Variants in DNAAF5 observed in about 807,000 individuals in gnomAD.
DNAAF5 encodes dynein axonemal assembly factor 5.
Under a neutral mutation model 75.8 loss-of-function variants are expected in DNAAF5, and 64 were observed. That is an observed-to-expected ratio of 0.84 (90% CI 0.69 to 1.04). DNAAF5 has a LOEUF of 1.04. Among genes scored for constraint, DNAAF5 ranks in the 50% least tolerant of loss-of-function variants. The pLI is 0.00. For synonymous variants in DNAAF5, 657 were observed against 557.2 expected, an observed-to-expected ratio of 1.18 and a Z score of -2.52; for missense variants, 1,269 against 1,178.5, an observed-to-expected ratio of 1.08 and a Z score of -1.12.
chr7:781,714 T>TGTTTCTATGTGC (rs376804497), intron 12 of DNAAF5, among the ~76,000 whole-genome samples: 239 of 152,332 alleles, frequency 1.6e-3, no homozygotes, highest in African/African-American at 5.2e-3. Context: ...ATGTCTCACT[T>TGTTTCTATGTGC]GTTTCTATGT....
chr7:740,323 C>T (rs1425095556), intron 2 of DNAAF5, among the ~76,000 whole-genome samples: 1 of 152,242 alleles, frequency 6.6e-6, no homozygotes, highest in Non-Finnish European at 1.5e-5. Context: ...GGGGACCCTA[C>T]TGGTTTCCTC....
intron 8 of DNAAF5, among the ~76,000 whole-genome samples, chr7:767,911 G>C (rs530666480): frequency 6.6e-6 from 1 of 151,014 alleles, no homozygotes; most frequent in South Asian, 2.1e-4. Context: ...CTGCAAGCAG[G>C]AGCGCTAGTG....
chr7:778,828 G>T (rs1778847266), intron 11 of DNAAF5: 1 of 153,754 alleles, frequency 6.5e-6, no homozygotes, highest in Non-Finnish European at 1.4e-5. Flanking sequence ...TACCCCCCAT[G>T]CAGCAAAAGC....
At position 740,802 on chromosome 7, in the gene DNAAF5, C is replaced by G; in HGVS notation, c.781-17C>G. 1.9e-6 allele frequency: 3 copies of G among 1,613,002 alleles called. No homozygotes were observed. The highest frequency in any genetic ancestry group is 2.5e-6 in the Non-Finnish European group (3 of 1,179,974). ...CCTTTGCCTACACGAATCCTTATCC[C>G]TTCCTCTCATGCGCAGGTCCGGCGG... On this transcript the variant is annotated splice_polypyrimidine_tract_variant and intron_variant, in intron 2 of 12. Transcript: ENST00000297440.
At chr7:762,091 T>C (rs1314426328) in intron 7 of DNAAF5, among the ~76,000 whole-genome samples, 195 bp downstream of exon 7, 1 of 152,232 alleles carries the variant, frequency 6.6e-6, no homozygotes, top group Non-Finnish European at 1.5e-5. Flanking sequence ...TATTCTGGCA[T>C]CAGGGAGTGG....
At chr7:750,239 G>A (rs148153559) in intron 4 of DNAAF5, among the ~76,000 whole-genome samples, 25 of 152,330 alleles carry the variant, frequency 1.6e-4, no homozygotes, top group African/African-American at 5.8e-4. Context: ...GAGCCTCACA[G>A]GCTATATCGC....
chr7:760,127 G>C (rs1237676793), intron 6 of DNAAF5, among the ~76,000 whole-genome samples: 1 of 151,904 alleles, frequency 6.6e-6, no homozygotes, highest in Non-Finnish European at 1.5e-5. Flanking sequence ...CCAGCTCCGA[G>C]GGAGATGGAG....
At chr7:750,586 T>G (rs1357655636) in intron 4 of DNAAF5, among the ~76,000 whole-genome samples, 2 of 152,188 alleles carry the variant, frequency 1.3e-5, no homozygotes, top group African/African-American at 4.8e-5. Context: ...GGGTTTGCCC[T>G]CCCCTGAGAA....
chr7:742,602 C>G (rs62432216), intron 4 of DNAAF5, among the ~76,000 whole-genome samples: 1 of 8,698 alleles, frequency 1.1e-4, no homozygotes, highest in African/African-American at 2.7e-4. Context: ...CAGCCCAAAT[C>G]AGACGCCCAG....
chr7:781,165 C>T (rs1391600279), intron 12 of DNAAF5, among the ~76,000 whole-genome samples: 1 of 152,188 alleles, frequency 6.6e-6, no homozygotes, highest in Non-Finnish European at 1.5e-5. Flanking sequence ...CCATCCCCAC[C>T]TCTTCCCCCG....
At chr7:781,132 C>T (rs1265170697) in intron 12 of DNAAF5, among the ~76,000 whole-genome samples, 1 of 152,188 alleles carries the variant, frequency 6.6e-6, no homozygotes, top group Non-Finnish European at 1.5e-5. Flanking sequence ...AAATCTTACT[C>T]ATTCTGTTTT....
chr7:772,080 G>C (rs1778583432), intron 9 of DNAAF5: 1 of 152,372 alleles, frequency 6.6e-6, no homozygotes, highest in Admixed American at 6.5e-5. Flanking sequence ...CCTTCCTGCT[G>C]ACCGCAGCTG....
chr7:769,433 C>G (rs557493728), intron 8 of DNAAF5, among the ~76,000 whole-genome samples: 1 of 152,234 alleles, frequency 6.6e-6, no homozygotes, highest in African/African-American at 2.4e-5. Context: ...AGTGGGGACC[C>G]CTTGGGGCGT....
intron 2 of DNAAF5, among the ~76,000 whole-genome samples, chr7:738,202 G>A (rs1050431626): frequency 3.9e-5 from 6 of 152,122 alleles, no homozygotes; most frequent in Non-Finnish European, 8.8e-5. Context: ...GCTGTTGAGA[G>A]GCTCCAATGC....
chr7:773,357 C>T (rs1262148551), intron 9 of DNAAF5, among the ~76,000 whole-genome samples: 2 of 152,210 alleles, frequency 1.3e-5, no homozygotes, highest in African/African-American at 4.8e-5. Flanking sequence ...GGCTGTGGAG[C>T]TGGTCTTGGA....
At chr7:766,397 AT>A (rs1782823156) in intron 8 of DNAAF5, among the ~76,000 whole-genome samples, 1 of 152,242 alleles carries the variant, frequency 6.6e-6, no homozygotes, top group Non-Finnish European at 1.5e-5. Context: ...TAAATTTCTC[AT>A]TTACAAAAGT....
At chr7:749,956 C>T (rs552521859) in intron 4 of DNAAF5, among the ~76,000 whole-genome samples, 1 of 152,178 alleles carries the variant, frequency 6.6e-6, no homozygotes, top group Non-Finnish European at 1.5e-5. Flanking sequence ...GCCTTGGCCT[C>T]CCAAAGTGCT....
intron 4 of DNAAF5, among the ~76,000 whole-genome samples, chr7:752,479 T>C: frequency 6.8e-6 from 1 of 147,280 alleles, no homozygotes; most frequent in African/African-American, 2.5e-5. Context: ...GGATACGTCC[T>C]CAAAAGACCA....
At position 729,887 on chromosome 7, in the gene DNAAF5, A is replaced by G. The variant is rs768711561; in HGVS notation, c.780+40A>G. 2.3e-5 allele frequency: 37 copies of G among 1,598,166 alleles called. No homozygotes were observed. The Admixed American group carries it at 2.5e-4, about 11-fold the overall frequency. ...TCCTGGACAGTCTGTTCCTCTCTCC[A>G]ACACAGGCGGGCTGACGTGCTGTTT... is the stretch of plus-strand genomic sequence containing the variant. On this transcript the variant is annotated intron_variant, in intron 2 of 12. Transcript: ENST00000297440.
Sources: allele counts gnomAD v4.1 joint callset (sites outside exome capture counted in the v4.1 genomes callset), GRCh38; gene constraint gnomAD v4.1.1; transcripts MANE v1.5; gene names NCBI Gene and HGNC (gene_info 2026-07-23, HGNC 2026-07-21).